Variants in ABLIM1 observed in about 807,000 individuals in gnomAD.
ABLIM1 encodes actin binding LIM protein 1, also known as actin-binding LIM protein 1.
In ABLIM1, 40 loss-of-function variants were observed where a neutral mutation model predicts 107.0. The ratio of observed to expected loss-of-function variants is 0.37; its 90% CI spans 0.29 to 0.49. The LOEUF (loss-of-function observed/expected upper bound fraction) is 0.49, where lower values mean the gene tolerates loss of function less well. ABLIM1 is among the 20% of genes least tolerant of loss of function. The probability of loss-of-function intolerance (pLI) is 0.97; values close to 1 mark genes in which losing one functional copy is unlikely to be tolerated. For missense variants in ABLIM1, 857 were observed against 1,008.5 expected (o/e 0.85, Z 2.04); for synonymous variants, 357 against 357.3 (o/e 1.00, Z 0.01).
intron 1 of ABLIM1, among the ~76,000 whole-genome samples, chr10:114,762,277 C>T (rs893361875): frequency 3.9e-5 from 6 of 152,148 alleles, no homozygotes; most frequent in Non-Finnish European, 8.8e-5. Flanking sequence ...TTGTGATCCA[C>T]CTGCCTCAGA....
intron 1 of ABLIM1, among the ~76,000 whole-genome samples, chr10:114,730,673 C>T (rs994944092): frequency 5.3e-5 from 8 of 152,076 alleles, no homozygotes; most frequent in Admixed American, 2.0e-4. Flanking sequence ...TGAGATACAA[C>T]GTACATATCA....
At chr10:114,572,794 C>T (rs2138845417) in intron 3 of ABLIM1, among the ~76,000 whole-genome samples, 2 of 152,330 alleles carry the variant, frequency 1.3e-5, no homozygotes, top group South Asian at 4.1e-4. Context: ...AGTTAAGGAT[C>T]CATTCAACAC....
chr10:114,641,284 C>T (rs74158021), intron 1 of ABLIM1, among the ~76,000 whole-genome samples: 1,595 of 134,600 alleles, frequency 0.012, 67 homozygotes, highest in African/African-American at 0.043. Flanking sequence ...AAGTGGACTT[C>T]GATGTTAGCA....
chr10:114,706,854 T>C (rs2081432562), intron 1 of ABLIM1, among the ~76,000 whole-genome samples: 1 of 150,726 alleles, frequency 6.6e-6, no homozygotes, highest in African/African-American at 2.4e-5. Context: ...TTTCTTCTAC[T>C]TTAAAAAAAA....
At chr10:114,639,461 G>A (rs2078636383) in intron 1 of ABLIM1, among the ~76,000 whole-genome samples, 1 of 152,132 alleles carries the variant, frequency 6.6e-6, no homozygotes, top group Non-Finnish European at 1.5e-5. Flanking sequence ...ATGCCACACC[G>A]GCCACACAGG....
intron 8 of ABLIM1, among the ~76,000 whole-genome samples, chr10:114,485,888 C>T (rs967642922): frequency 6.6e-6 from 1 of 152,212 alleles, no homozygotes; most frequent in African/African-American, 2.4e-5. Flanking sequence ...CAAGAGAGCA[C>T]AAGATGTATT....
the ABLIM1 span, among the ~76,000 whole-genome samples, chr10:114,773,142 T>A: frequency 6.6e-6 from 1 of 151,894 alleles, no homozygotes; most frequent in African/African-American, 2.4e-5. Flanking sequence ...AATTTTAAAA[T>A]GGAGAAAAGA....
chr10:114,477,547 G>T (rs74449624), intron 8 of ABLIM1, among the ~76,000 whole-genome samples: 3,751 of 152,274 alleles, frequency 0.025, 134 homozygotes, highest in African/African-American at 0.082. Flanking sequence ...TGCACCTGGG[G>T]ATGGCTCTGA....
intron 6 of ABLIM1, 31 bp downstream of exon 6, chr10:114,544,974 G>A: frequency 3.1e-6 from 5 of 1,600,082 alleles, no homozygotes; most frequent in Non-Finnish European, 4.3e-6. Context: ...AAAGATGGCG[G>A]TAGCTATGAG....
At chr10:114,493,756 A>G (rs913523474) in intron 6 of ABLIM1, among the ~76,000 whole-genome samples, 2 of 152,242 alleles carry the variant, frequency 1.3e-5, no homozygotes, top group Non-Finnish European at 1.5e-5. Context: ...ACTGATGAAC[A>G]TAAAAGACCT....
chr10:114,635,345 G>T (rs2078424299), intron 1 of ABLIM1, among the ~76,000 whole-genome samples: 1 of 152,192 alleles, frequency 6.6e-6, no homozygotes, highest in Admixed American at 6.5e-5. Context: ...AATTAGGAGG[G>T]AAATGTTACA....
At position 114,471,519 on chromosome 10, in the gene ABLIM1, G is replaced by A. The variant is rs573976164; in HGVS notation, c.1275+1458C>T. 1.3e-4 allele frequency among the ~76,000 whole-genome samples: 20 copies of A among 152,182 alleles called. No individual in the cohort carries two copies. In the Middle Eastern group the frequency reaches 0.01, roughly 78 times the overall value. ...GGCCAATGCACCTGCGCTTGAGAGC[G>A]GCCGCAAGTGCAGCTACAGCTAAGT... On this transcript the variant is annotated intron_variant, in intron 10 of 22. Transcript: ENST00000533213.
intron 1 of ABLIM1, among the ~76,000 whole-genome samples, chr10:114,617,216 C>T (rs1033078962): frequency 6.6e-6 from 1 of 150,816 alleles, no homozygotes. Context: ...TGAACACTGT[C>T]TCTCTTTCTG....
At chr10:114,799,072 A>T in the ABLIM1 span, among the ~76,000 whole-genome samples, 2 of 152,198 alleles carry the variant, frequency 1.3e-5, no homozygotes, top group Non-Finnish European at 2.9e-5. Flanking sequence ...TGTTGGGATT[A>T]CACGCATGAG....
Position 114,601,929 on chromosome 10 carries a change from C to T in ABLIM1, c.277G>A (p.Glu93Lys). The change falls in exon 2 of 23, where the codon GAG becomes AAG. Residue 93 changes from glutamate to lysine, a missense_variant. Coordinates refer to ENST00000533213, the MANE Select transcript of ABLIM1 (RefSeq NM_002313.7). Reference sequence around the variant, plus strand: ...TTATGGCAGTGAATGACAGGCTTCTCTGATGGGTGGTGAGGGTCCTGAGGG... The same window carrying T: ...TTATGGCAGTGAATGACAGGCTTCTTTGATGGGTGGTGAGGGTCCTGAGGG... ...AHPQDPHHPS[E>K]KPVIHCHKCG... The T allele has an allele frequency of 6.2e-7, 1 of 1,614,176 alleles. No individual in the cohort carries two copies.
chr10:114,457,384 C>T (rs1188616411), intron 12 of ABLIM1, among the ~76,000 whole-genome samples: 1 of 152,114 alleles, frequency 6.6e-6, no homozygotes, highest in African/African-American at 2.4e-5. Flanking sequence ...ATTCTCCTGC[C>T]TCAGCCTCCC....
chr10:114,625,443 G>C (rs1019260132), intron 1 of ABLIM1, among the ~76,000 whole-genome samples: 13 of 152,148 alleles, frequency 8.5e-5, no homozygotes, highest in African/African-American at 2.9e-4. Context: ...AGCTCCTAAG[G>C]TTGTTTTACA....
the ABLIM1 span, among the ~76,000 whole-genome samples, chr10:114,797,011 T>C: frequency 1.3e-5 from 2 of 152,170 alleles, no homozygotes; most frequent in African/African-American, 2.4e-5. Context: ...ATCCTCCACA[T>C]CAACATCCTA....
chr10:114,714,874 T>A (rs777157635), intron 1 of ABLIM1, among the ~76,000 whole-genome samples: 6 of 152,174 alleles, frequency 3.9e-5, no homozygotes, highest in East Asian at 1.9e-4. Context: ...GTTATTTTTT[T>A]AAAAAATCAA....
Sources: gnomAD v4.1 joint callset for allele counts (sites outside exome capture counted in the v4.1 genomes callset) on GRCh38, gnomAD v4.1.1 for gene constraint, MANE v1.5 for transcripts, NCBI Gene and HGNC (gene_info 2026-07-23, HGNC 2026-07-21) for gene names.